The following ILRUN variants were observed in gnomAD, a reference collection of about 807,000 sequenced individuals.
ILRUN encodes protein ILRUN.
ILRUN carries 3 observed loss-of-function variants against 33.8 expected under a neutral mutation model. The observed-to-expected ratio is 0.09, with a 90% CI of 0.04 to 0.23. The LOEUF (loss-of-function observed/expected upper bound fraction) is 0.23, where lower values mean the gene tolerates loss of function less well. Ranked by LOEUF, ILRUN falls within the 10% of genes least tolerant of loss-of-function variation. The pLI, the probability that ILRUN is intolerant of heterozygous loss-of-function variation, is 1.00. For synonymous variants in ILRUN, 124 were observed against 138.9 expected, an observed-to-expected ratio of 0.89 and a Z score of 0.75; for missense variants, 210 against 375.1, an observed-to-expected ratio of 0.56 and a Z score of 3.64.
At chr6:34,647,226 C>G (rs1042467340) in intron 2 of ILRUN, among the ~76,000 whole-genome samples, 10 of 152,152 alleles carry the variant, frequency 6.6e-5, no homozygotes, top group Non-Finnish European at 1.5e-4. Context: ...GCCAGTTTTT[C>G]CACAGAAACA....
At position 34,687,708 on chromosome 6, in the gene ILRUN, A is replaced by T. The variant is rs573868765; in HGVS notation, c.158+8738T>A. ...GCAAGACTCCATCTCCAAAAAAAAA[A>T]ATATATATATATATATATTTATAAA... On this transcript the variant is annotated intron_variant, in intron 1 of 4. Transcript: ENST00000374023. 5.9e-3 allele frequency among the ~76,000 whole-genome samples: 844 copies of T among 143,318 alleles called. 9 individuals carry two copies. Among genetic ancestry groups the T allele is most frequent in the Middle Eastern group, 0.018 (5 of 280 alleles). 94.0% of individuals were successfully genotyped at this position (143,318 alleles called of 152,430 possible).
intron 1 of ILRUN, among the ~76,000 whole-genome samples, chr6:34,684,905 G>A (rs1281340680): frequency 6.6e-6 from 1 of 152,214 alleles, no homozygotes; most frequent in Non-Finnish European, 1.5e-5. Flanking sequence ...CTAAATGAAT[G>A]TCAAGCTAAA....
intron 3 of ILRUN, among the ~76,000 whole-genome samples, chr6:34,621,065 T>C (rs765689383): frequency 6.6e-6 from 1 of 152,200 alleles, no homozygotes; most frequent in Non-Finnish European, 1.5e-5. Context: ...TTAGCCACTA[T>C]CTGCAAAGAA....
rs1345907609 is a variant in ILRUN, at chr6:34,665,049, C to A, written c.159-10270G>T. Among the ~76,000 whole-genome samples the A allele has an allele frequency of 2.6e-5, 4 of 151,872 alleles. No homozygotes were observed. The South Asian group carries it at 8.3e-4, about 32-fold the overall frequency. On this transcript the variant is annotated intron_variant, in intron 1 of 4. Transcript: ENST00000374023. ...GCAGTGGCATACTCACAGCTCACTG[C>A]GGGTTTGAACTCCTGGACTCAGGCA...
chr6:34,653,132 C>CAAAAAAAAA (rs947213125), intron 2 of ILRUN, among the ~76,000 whole-genome samples: 2 of 51,538 alleles, frequency 3.9e-5, no homozygotes, highest in African/African-American at 6.2e-5. Context: ...GACCTTGTCT[C>CAAAAAAAAA]AAAAAAAAAA....
chr6:34,659,832 G>A (rs1762851621), intron 1 of ILRUN, among the ~76,000 whole-genome samples: 1 of 151,706 alleles, frequency 6.6e-6, no homozygotes, highest in African/African-American at 2.4e-5. Context: ...TGTTGGTCAG[G>A]TTGGTCTCGA....
chr6:34,606,975 A>T, intron 3 of ILRUN, 71 bp from the exon 4 acceptor site: 1 of 1,133,536 alleles, frequency 8.8e-7, no homozygotes, highest in Non-Finnish European at 1.3e-6. Flanking sequence ...ACCACCAAAA[A>T]CCCCAAACAT....
At chr6:34,694,677 T>C (rs899993326) in intron 1 of ILRUN, among the ~76,000 whole-genome samples, 3 of 152,044 alleles carry the variant, frequency 2.0e-5, no homozygotes, top group East Asian at 1.9e-4. Context: ...TTTCTAAACA[T>C]CTAGAAATTT....
intron 4 of ILRUN, among the ~76,000 whole-genome samples, chr6:34,598,378 G>C (rs543966440): frequency 1.3e-5 from 2 of 152,286 alleles, no homozygotes; most frequent in African/African-American, 4.8e-5. Context: ...ACTTAGCTGA[G>C]AACAAGTCAT....
chr6:34,634,223 A>C lies in ILRUN; in HGVS notation c.511+12378T>G, dbSNP rs946139111. The stretch of plus-strand genomic sequence containing the variant: ...ATCTATAGGTCAAACAGGAAGTCTC[A>C]AGGGAAATTAGAAGATATTTTGAAC... On this transcript the variant is annotated intron_variant, in intron 3 of 4. Coordinates refer to ENST00000374023, the MANE Select transcript of ILRUN (RefSeq NM_024294.4). 5.9e-5 allele frequency among the ~76,000 whole-genome samples: 9 copies of C among 152,306 alleles called. No individual in the cohort carries two copies. In the East Asian group the frequency reaches 1.7e-3, roughly 29 times the overall value.
intron 3 of ILRUN, among the ~76,000 whole-genome samples, chr6:34,611,389 T>TA (rs1215473664): frequency 6.6e-6 from 1 of 152,174 alleles, no homozygotes; most frequent in Non-Finnish European, 1.5e-5. Context: ...CACTGATTTA[T>TA]AAACACCAAC....
chr6:34,617,102 T>C (rs918120434), intron 3 of ILRUN: 107 of 532,164 alleles, frequency 2.0e-4, no homozygotes, highest in South Asian at 1.1e-4. Context: ...ATCTATACTG[T>C]TGGAAAATGC....
intron 3 of ILRUN, among the ~76,000 whole-genome samples, chr6:34,634,049 G>A (rs963348499): frequency 1.7e-4 from 26 of 152,140 alleles, no homozygotes; most frequent in East Asian, 1.9e-4. Flanking sequence ...CACTTGAGCC[G>A]AGGAATGAGA....
At chr6:34,681,845 A>ATTTTTTTTTT (rs1168522578) in intron 1 of ILRUN, among the ~76,000 whole-genome samples, 1 of 85,404 alleles carries the variant, frequency 1.2e-5, no homozygotes, top group Non-Finnish European at 2.2e-5. Flanking sequence ...CCACCACTAC[A>ATTTTTTTTTT]TTTTTTTTTT....
At chr6:34,679,228 A>G (rs999075610) in intron 1 of ILRUN, among the ~76,000 whole-genome samples, 1 of 152,156 alleles carries the variant, frequency 6.6e-6, no homozygotes, top group Non-Finnish European at 1.5e-5. Flanking sequence ...AAAAAAATAT[A>G]TTATGCGCTA....
intron 1 of ILRUN, among the ~76,000 whole-genome samples, chr6:34,659,931 TC>T (rs1762853832): frequency 6.6e-6 from 1 of 151,942 alleles, no homozygotes; most frequent in Non-Finnish European, 1.5e-5. Flanking sequence ...CATAAGGCAG[TC>T]TTAGGAAGAA....
Position 34,588,314 on chromosome 6 carries a change from C to A in ILRUN, c.*2251G>T. 2 of 398,272 alleles carry A rather than the reference C, an allele frequency of 5.0e-6. No homozygotes were observed. The highest frequency in any genetic ancestry group is 8.8e-6 in the Non-Finnish European group (2 of 226,056). 24.7% of individuals were successfully genotyped at this position (398,272 alleles called of 1,614,324 possible). A position where few individuals can be genotyped will look rare whatever the true frequency, so the allele number is the denominator to read the frequency against. On this transcript the variant is annotated 3_prime_UTR_variant, in exon 5 of 5. Transcript: ENST00000374023. ...GGAAGAGCAAGACGACTCTGGCAGG[C>A]CCAGACCCACTGACGGTGGCCCATG... is the stretch of plus-strand genomic sequence containing the variant.
chr6:34,636,472 G>C (rs1471792817), intron 3 of ILRUN, among the ~76,000 whole-genome samples: 2 of 151,852 alleles, frequency 1.3e-5, no homozygotes, highest in Admixed American at 6.6e-5. Flanking sequence ...GCCATTTCAA[G>C]GTAAAACCCA....
At chr6:34,605,217 A>G (rs1422290898) in intron 4 of ILRUN, among the ~76,000 whole-genome samples, 2 of 150,828 alleles carry the variant, frequency 1.3e-5, no homozygotes, top group East Asian at 3.9e-4. Flanking sequence ...GAGGCAGGAG[A>G]ATCACTTGAA....
Sources: allele counts gnomAD v4.1 joint callset (sites outside exome capture counted in the v4.1 genomes callset), GRCh38; gene constraint gnomAD v4.1.1; transcripts MANE v1.5; gene names NCBI Gene and HGNC (gene_info 2026-07-23, HGNC 2026-07-21).